Variants in SV2C observed in about 807,000 individuals in gnomAD.
The protein encoded by SV2C is solute carrier family 22 member B3.
In SV2C, 49 loss-of-function variants were observed where a neutral mutation model predicts 79.7. The observed-to-expected ratio is 0.61, with a 90% CI of 0.49 to 0.78. SV2C has a LOEUF of 0.78. Ranked by LOEUF, SV2C falls within the 30% of genes least tolerant of loss-of-function variation. The probability of loss-of-function intolerance (pLI) is 0.00; values close to 1 mark genes in which losing one functional copy is unlikely to be tolerated. For synonymous variants in SV2C, 334 were observed against 333.2 expected, an observed-to-expected ratio of 1.00 and a Z score of -0.03; for missense variants, 833 against 912.9, an observed-to-expected ratio of 0.91 and a Z score of 1.13.
the SV2C span, among the ~76,000 whole-genome samples, chr5:75,953,546 C>T: frequency 6.6e-6 from 1 of 151,978 alleles, no homozygotes. Context: ...GTGCTTAAAT[C>T]AACTTCAAAC....
chr5:76,040,769 C>T, the SV2C span, among the ~76,000 whole-genome samples: 2 of 152,114 alleles, frequency 1.3e-5, no homozygotes, highest in Non-Finnish European at 2.9e-5. Flanking sequence ...ATTTACAACT[C>T]TGTAACCTCA....
chr5:76,348,356 G>A (rs1749581900), intron 12 of SV2C, among the ~76,000 whole-genome samples: 1 of 152,082 alleles, frequency 6.6e-6, no homozygotes, highest in South Asian at 2.1e-4. Flanking sequence ...CAAACATCTT[G>A]GTTGCCTCCA....
intron 2 of SV2C, among the ~76,000 whole-genome samples, chr5:76,166,562 C>A (rs1361685086): frequency 6.6e-6 from 1 of 152,228 alleles, no homozygotes; most frequent in Non-Finnish European, 1.5e-5. Flanking sequence ...TAGATGTCAT[C>A]ATTTGGTATT....
the SV2C span, among the ~76,000 whole-genome samples, chr5:76,027,755 T>G: frequency 6.6e-6 from 1 of 152,204 alleles, no homozygotes; most frequent in African/African-American, 2.4e-5. Flanking sequence ...TAAGATGTGT[T>G]AAGTGGTACT....
the SV2C span, among the ~76,000 whole-genome samples, chr5:75,886,777 A>G: frequency 6.6e-6 from 1 of 152,086 alleles, no homozygotes; most frequent in Non-Finnish European, 1.5e-5. Context: ...TCTCTTTGAG[A>G]CTTTGAAATA....
the SV2C span, among the ~76,000 whole-genome samples, chr5:76,006,969 T>A: frequency 6.6e-6 from 1 of 152,158 alleles, no homozygotes; most frequent in Non-Finnish European, 1.5e-5. Flanking sequence ...ACATGCTATG[T>A]GTATTTATAT....
At chr5:76,151,330 T>C (rs1041171100) in intron 2 of SV2C, among the ~76,000 whole-genome samples, 15 of 152,212 alleles carry the variant, frequency 9.9e-5, no homozygotes, top group Non-Finnish European at 1.8e-4. Flanking sequence ...GAAACGTGGG[T>C]GGGACCTACC....
chr5:76,036,765 A>G, the SV2C span, among the ~76,000 whole-genome samples: 2,048 of 152,050 alleles, frequency 0.013, 44 homozygotes, highest in East Asian at 0.049. Context: ...GGCATTCTCT[A>G]TATTTCCTGA....
At chr5:75,898,665 C>G in the SV2C span, among the ~76,000 whole-genome samples, 2 of 152,108 alleles carry the variant, frequency 1.3e-5, no homozygotes, top group African/African-American at 2.4e-5. Context: ...CCTTGTACCT[C>G]TGGTAGAATT....
intron 12 of SV2C, among the ~76,000 whole-genome samples, chr5:76,303,780 C>A (rs246813): frequency 0.1 from 15,678 of 152,180 alleles, 862 homozygotes; most frequent in Admixed American, 0.14. Flanking sequence ...TAATTCAGGT[C>A]CTCCATGAAG....
intron 2 of SV2C, among the ~76,000 whole-genome samples, chr5:76,156,855 A>C (rs967723499): frequency 6.6e-6 from 1 of 152,136 alleles, no homozygotes; most frequent in South Asian, 2.1e-4. Flanking sequence ...AAAGATTGAC[A>C]GAGGTTATAC....
the SV2C span, among the ~76,000 whole-genome samples, chr5:75,985,959 T>C: frequency 6.6e-6 from 1 of 151,664 alleles, no homozygotes; most frequent in Non-Finnish European, 1.5e-5. Flanking sequence ...GCTTATTAAG[T>C]AAATGAAAAG....
chr5:76,183,205 C>A (rs7448323), intron 2 of SV2C, among the ~76,000 whole-genome samples: 119,841 of 151,184 alleles, frequency 0.79, 48,034 homozygotes, highest in East Asian at 0.92. Flanking sequence ...TTGTATTTTT[C>A]GTAGAGACAG....
the SV2C span, among the ~76,000 whole-genome samples, chr5:76,071,052 C>T: frequency 6.6e-6 from 1 of 152,262 alleles, no homozygotes; most frequent in East Asian, 1.9e-4. Flanking sequence ...CTCCACCTCC[C>T]GTGGGATGAA....
chr5:76,121,800 C>T (rs1195385951), intron 1 of SV2C, among the ~76,000 whole-genome samples: 27 of 151,718 alleles, frequency 1.8e-4, no homozygotes, highest in East Asian at 3.9e-4. Flanking sequence ...AGTCAGGTAG[C>T]GTGATGCCTC....
chr5:75,897,179 T>A, the SV2C span, among the ~76,000 whole-genome samples: 1 of 151,244 alleles, frequency 6.6e-6, no homozygotes, highest in African/African-American at 2.5e-5. Flanking sequence ...CTAGGTTTTC[T>A]TCTAGGGTTT....
At chr5:75,936,203 C>T in the SV2C span, among the ~76,000 whole-genome samples, 1 of 152,178 alleles carries the variant, frequency 6.6e-6, no homozygotes, top group Non-Finnish European at 1.5e-5. Flanking sequence ...TCTTCCCTCT[C>T]TCTCTCCAGC....
chr5:75,933,277 G>C, the SV2C span, among the ~76,000 whole-genome samples: 1 of 152,048 alleles, frequency 6.6e-6, no homozygotes, highest in East Asian at 1.9e-4. Context: ...AGTACTGCTT[G>C]CAATTTGTGA....
chr5:76,131,351 G>T (rs747416319), intron 1 of SV2C, among the ~76,000 whole-genome samples: 34 of 152,078 alleles, frequency 2.2e-4, no homozygotes, highest in Non-Finnish European at 4.6e-4. Flanking sequence ...GATGCAAGAT[G>T]CTCTGTTTTA....
Sources: allele counts gnomAD v4.1 joint callset (sites outside exome capture counted in the v4.1 genomes callset), GRCh38; gene constraint gnomAD v4.1.1; transcripts MANE v1.5; gene names NCBI Gene and HGNC (gene_info 2026-07-23, HGNC 2026-07-21).